Variants in WRN observed in about 807,000 individuals in gnomAD.
The protein encoded by WRN is WRN RecQ like helicase.
A neutral mutation model predicts 180.7 loss-of-function variants in WRN; 149 were observed. The ratio of observed to expected loss-of-function variants is 0.82; its 90% CI spans 0.72 to 0.94. The LOEUF (loss-of-function observed/expected upper bound fraction) is 0.94, where lower values mean the gene tolerates loss of function less well. WRN is among the 40% of genes least tolerant of loss of function. The probability of loss-of-function intolerance (pLI) is 0.00; values close to 1 mark genes in which losing one functional copy is unlikely to be tolerated. For missense variants in WRN, 1,661 were observed against 1,700.1 expected (o/e 0.98, Z 0.40); for synonymous variants, 548 against 568.9 (o/e 0.96, Z 0.52).
At chr8:31,041,922 A>C (rs1811674816) in intron 1 of WRN, among the ~76,000 whole-genome samples, 1 of 152,168 alleles carries the variant, frequency 6.6e-6, no homozygotes, top group African/African-American at 2.4e-5. Context: ...TTTTGCCAGG[A>C]GATAGTAATA....
intron 32 of WRN, 22 bp from the exon 33 acceptor site, chr8:31,157,346 T>TTC: frequency 6.2e-7 from 1 of 1,613,184 alleles, no homozygotes; most frequent in Non-Finnish European, 8.5e-7. Flanking sequence ...ACTCACTGGG[T>TTC]TCTTTGCTGA....
intron 5 of WRN, among the ~76,000 whole-genome samples, chr8:31,065,779 A>G (rs574684886): frequency 3.9e-5 from 6 of 152,036 alleles, no homozygotes; most frequent in Non-Finnish European, 8.8e-5. Flanking sequence ...GCTGGGGCAA[A>G]TGGTATTTCT....
intron 23 of WRN, chr8:31,131,626 G>C (rs2130373379): frequency 6.5e-6 from 1 of 153,416 alleles, no homozygotes; most frequent in South Asian, 2.1e-4. Context: ...TCATTGATTG[G>C]CTGCCTGTCA....
In WRN at chr8:31,064,434, G is replaced by A. The variant is rs1812616898; in HGVS notation, c.355G>A (p.Val119Ile). The change falls in exon 4 of 35, where the codon GTT (valine) becomes ATT (isoleucine). Residue 119 changes from valine (V) to isoleucine (I), a missense_variant and splice_region_variant. Physicochemically the swap from Val to Ile is conservative, Grantham distance 29 (BLOSUM62 3). Coordinates refer to ENST00000298139, the MANE Select transcript of WRN (RefSeq NM_000553.6). The part of the protein sequence containing the change: ...CYLFHVSSMS[V>I]FPQGLKMLLE... ...CTTGTTCCACGTTTCTTCCATGTCA[G>A]GTTGGTATCTCTACATTTCATTTTT... is the stretch of plus-strand genomic sequence containing the variant. 1 of 1,613,868 alleles carries A rather than the reference G, an allele frequency of 6.2e-7. No homozygotes were observed. Among genetic ancestry groups the A allele is most frequent in the Non-Finnish European group, 8.5e-7 (1 of 1,179,970 alleles).
At chr8:31,066,350 A>AT (rs1300350164) in intron 5 of WRN, among the ~76,000 whole-genome samples, 1 of 151,338 alleles carries the variant, frequency 6.6e-6, no homozygotes, top group East Asian at 1.9e-4. Flanking sequence ...CACCCAGCTA[A>AT]TTTTTTGTAT....
chr8:31,106,695 C>T (rs13251813), intron 18 of WRN, among the ~76,000 whole-genome samples: 5,107 of 152,278 alleles, frequency 0.034, 175 homozygotes, highest in Non-Finnish European at 0.041. Flanking sequence ...CCTCCCCCAT[C>T]ATTCAGCATT....
chr8:31,111,585 T>C, intron 18 of WRN, 30 bp from the exon 19 acceptor site: 1 of 1,612,326 alleles, frequency 6.2e-7, no homozygotes, highest in Non-Finnish European at 8.5e-7. Flanking sequence ...AGCTCTTTCC[T>C]TTTTAAAATA....
At position 31,143,043 on chromosome 8, in the gene WRN, A is replaced by ACG. The variant is rs1802709971; in HGVS notation, c.3309+343_3309+344insGC. 3.6e-5 allele frequency among the ~76,000 whole-genome samples: 3 copies of ACG among 83,384 alleles called. No individual in the cohort carries two copies. In the Admixed American group the frequency reaches 4.6e-4, roughly 13 times the overall value. 54.7% of individuals were successfully genotyped at this position (83,384 alleles called of 152,430 possible). A position where few individuals can be genotyped will look rare whatever the true frequency, so the allele number is the denominator to read the frequency against. ...ATTAAAGACACACACACACACACAC[A>ACG]CACACACACACATTCTCTCTCTCTC... is the stretch of plus-strand genomic sequence containing the variant. On this transcript the variant is annotated intron_variant, in intron 27 of 34. Transcript: ENST00000298139.
intron 7 of WRN, among the ~76,000 whole-genome samples, chr8:31,070,512 G>A (rs572536267): frequency 2.3e-3 from 347 of 152,058 alleles, no homozygotes; most frequent in Non-Finnish European, 3.7e-3. Flanking sequence ...AGCATTTTAC[G>A]ATATGGGAAT....
At position 31,067,186 on chromosome 8, in the gene WRN, C is replaced by T. The variant is rs769275170; in HGVS notation, c.654+4C>T. Reference sequence around the variant, plus strand: ...GTATGCAGCCACTGATGCTTATGTACGTGCTTAAAGATCTTTAGAAATTGT... The same window carrying T: ...GTATGCAGCCACTGATGCTTATGTATGTGCTTAAAGATCTTTAGAAATTGT... On this transcript the variant is annotated splice_donor_region_variant and intron_variant, in intron 6 of 34. Transcript: ENST00000298139. The T allele has an allele frequency of 2.4e-5, 39 of 1,613,150 alleles. No homozygotes were observed. The highest frequency in any genetic ancestry group is 1.2e-4 in the South Asian group (11 of 91,072).
rs11574202 is a variant in WRN at position 31,066,606 on chromosome 8, T to C, written c.505-427T>C. On this transcript the variant is annotated intron_variant, in intron 5 of 34. Coordinates refer to ENST00000298139, the MANE Select transcript of WRN (RefSeq NM_000553.6). ...ACCAGTAACTTAAAAAAAAATTTTTTTTTTTTTAAGGGAGAGCATAATGGA... is the reference window on the plus strand; with the variant it reads ...ACCAGTAACTTAAAAAAAAATTTTTCTTTTTTTAAGGGAGAGCATAATGGA... Among the ~76,000 whole-genome samples the C allele has an allele frequency of 1.5e-3, 222 of 152,240 alleles. 1 individual carries two copies. Among genetic ancestry groups the C allele is most frequent in the Non-Finnish European group, 2.3e-3 (156 of 68,020 alleles).
rs148229804 is a variant in WRN at position 31,068,323 on chromosome 8, T to G, written c.720T>G (p.Asn240Lys). 247 of 1,602,788 alleles carry G rather than the reference T, an allele frequency of 1.5e-4. 2 individuals are homozygous for G. In the African/African-American group the frequency reaches 3.0e-3, roughly 19 times the overall value. Residue 240 changes from asparagine (N) to lysine (K), a missense_variant, in exon 7 of 35, where the codon AAT (asparagine) becomes AAG (lysine). Asn to Lys is a moderately conservative substitution (Grantham distance 94). This residue lies in a region of WRN where 500 missense variants were observed against 504.1 expected (regional missense o/e 0.99). Coordinates refer to ENST00000298139, the MANE Select transcript of WRN (RefSeq NM_000553.6). ...ATACTGTGCAAAGGTTTGCTATAAATAAAGGTATGTTAAGATCCATAAATA... is the reference window on the plus strand; with the variant it reads ...ATACTGTGCAAAGGTTTGCTATAAAGAAAGGTATGTTAAGATCCATAAATA... ...LDDTVQRFAINKEEEILLSDM... is the reference protein window; with the variant it reads ...LDDTVQRFAIKKEEEILLSDM...
In WRN at chr8:31,064,450, T is replaced by A; in HGVS notation, c.355+16T>A. The stretch of plus-strand genomic sequence containing the variant: ...TCCATGTCAGGTTGGTATCTCTACA[T>A]TTCATTTTTATATGGCTGATAATTG... On this transcript the variant is annotated intron_variant, in intron 4 of 34. Transcript: ENST00000298139. The A allele has an allele frequency of 6.2e-7, 1 of 1,614,022 alleles. No individual in the cohort carries two copies.
chr8:31,095,101 T>C (rs1487970088), intron 16 of WRN, among the ~76,000 whole-genome samples: 1 of 152,214 alleles, frequency 6.6e-6, no homozygotes, highest in Non-Finnish European at 1.5e-5. Flanking sequence ...TCCCCATCCT[T>C]GCTATCACTT....
At chr8:31,061,201 T>C (rs1429130399) in intron 3 of WRN, among the ~76,000 whole-genome samples, 1 of 152,154 alleles carries the variant, frequency 6.6e-6, no homozygotes, top group Non-Finnish European at 1.5e-5. Flanking sequence ...ATAGCTTGAA[T>C]AGTTTTGTTT....
intron 1 of WRN, among the ~76,000 whole-genome samples, chr8:31,043,876 C>G (rs190031548): frequency 1.6e-4 from 24 of 152,194 alleles, no homozygotes; most frequent in African/African-American, 5.3e-4. Flanking sequence ...AAAACTGAGT[C>G]ATTGAAGTAC....
intron 3 of WRN, among the ~76,000 whole-genome samples, chr8:31,060,782 G>A (rs561898043): frequency 1.3e-5 from 2 of 152,232 alleles, no homozygotes; most frequent in Admixed American, 1.3e-4. Flanking sequence ...CATATCTGAA[G>A]GCAATTAGCA....
Position 31,059,152 on chromosome 8 carries a change from G to A in WRN, c.97-1G>A, listed in dbSNP as rs780988648. ...CTGTTTTGAAATTTACTAAACTCAAGGCATGTGTTCGGAAGAGTGTTTTTG... is the reference window on the plus strand; with the variant it reads ...CTGTTTTGAAATTTACTAAACTCAAAGCATGTGTTCGGAAGAGTGTTTTTG... On this transcript the variant is annotated splice_acceptor_variant, in intron 2 of 34. Coordinates refer to ENST00000298139, the MANE Select transcript of WRN (RefSeq NM_000553.6). LOFTEE classifies it high-confidence loss of function. 4.3e-6 allele frequency: 7 copies of A among 1,611,546 alleles called. No homozygotes were observed. In the South Asian group the frequency reaches 5.5e-5, roughly 13 times the overall value.
intron 1 of WRN, among the ~76,000 whole-genome samples, chr8:31,057,525 C>G (rs536336500): frequency 2.0e-5 from 3 of 152,022 alleles, no homozygotes; most frequent in Admixed American, 2.0e-4. Context: ...GAGCTGAGAT[C>G]GTGCCACTGC....
Sources: gnomAD v4.1 joint callset for allele counts (sites outside exome capture counted in the v4.1 genomes callset) on GRCh38, gnomAD v4.1.1 for gene constraint, gnomAD v4.1.1 regional missense constraint, MANE v1.5 for transcripts, NCBI Gene and HGNC (gene_info 2026-07-23, HGNC 2026-07-21) for gene names.